GUK1: variants seen among roughly 807,000 people sequenced by gnomAD.
The protein encoded by GUK1 is guanylate kinase 1, also known as guanylate kinase.
A neutral mutation model predicts 25.2 loss-of-function variants in GUK1; 18 were observed. The observed-to-expected ratio is 0.71, with a 90% CI of 0.49 to 1.06. GUK1 has a LOEUF of 1.06. Ranked by LOEUF, GUK1 falls within the 50% of genes least tolerant of loss-of-function variation. The pLI is 0.00. For missense variants in GUK1, 261 were observed against 276.7 expected (o/e 0.94, Z 0.40); for synonymous variants, 105 against 117.6 (o/e 0.89, Z 0.69).
At chr1:228,142,768 G>A (rs578104557) in intron 2 of GUK1, among the ~76,000 whole-genome samples, 2 of 152,102 alleles carry the variant, frequency 1.3e-5, no homozygotes, top group Non-Finnish European at 2.9e-5. Flanking sequence ...AGTGAGGCAC[G>A]AGCTCCCCAA....
Position 228,148,874 on chromosome 1 carries a change from G to A in GUK1, c.*177G>A. 4 of 1,505,312 alleles carry A rather than the reference G, an allele frequency of 2.7e-6. No individual in the cohort carries two copies. Among genetic ancestry groups the A allele is most frequent in the Non-Finnish European group, 3.6e-6 (4 of 1,110,520 alleles). The allele number at this position is 1,505,312 out of a possible 1,614,324, so 93.2% of individuals were successfully genotyped here. On this transcript the variant is annotated 3_prime_UTR_variant, in exon 9 of 9. Transcript: ENST00000312726. Reference sequence around the variant, plus strand: ...GTGACCCCCGACCCAGCCTCGCTGGGCTGTCCCCTGTCCCTATCTCTCACT... The same window carrying A: ...GTGACCCCCGACCCAGCCTCGCTGGACTGTCCCCTGTCCCTATCTCTCACT...
chr1:228,146,739 G>A (rs962413308), intron 4 of GUK1, 103 bp from the exon 4 acceptor site: 3 of 781,168 alleles, frequency 3.8e-6, no homozygotes, highest in Non-Finnish European at 2.3e-6. Flanking sequence ...GCAGTCGTGG[G>A]TGTGGGAGGG....
rs890437746 is a variant in GUK1 at position 228,141,125 on chromosome 1, C to T, written c.-166C>T. ...GCTCATGGCCCCTTCCTGTCTCAGG[C>T]TTGCTCTGCTCTTTACCTGGGGTTG... On this transcript the variant is annotated splice_region_variant and 5_prime_UTR_variant, in exon 2 of 9. Coordinates refer to ENST00000312726, the MANE Select transcript of GUK1 (RefSeq NM_000858.7). 4.1e-6 allele frequency: 4 copies of T among 985,460 alleles called. No homozygotes were observed. The African/African-American group carries it at 7.0e-5, about 17-fold the overall frequency. 61.0% of individuals were successfully genotyped at this position (985,460 alleles called of 1,614,324 possible).
At chr1:228,144,211 T>A (rs1413260345) in intron 2 of GUK1, 1 of 152,260 alleles carries the variant, frequency 6.6e-6, no homozygotes, top group African/African-American at 2.4e-5. Flanking sequence ...CCGTGGTGCA[T>A]TTGTGAGATT....
chr1:228,148,883 T>G lies in GUK1; in HGVS notation c.*186T>G. The G allele has an allele frequency of 6.9e-7, 1 of 1,454,994 alleles. No homozygotes were observed. The highest frequency in any genetic ancestry group is 9.4e-7 in the Non-Finnish European group (1 of 1,069,360). 90.1% of individuals were successfully genotyped at this position (1,454,994 alleles called of 1,614,324 possible). On this transcript the variant is annotated 3_prime_UTR_variant, in exon 9 of 9. Coordinates refer to ENST00000312726, the MANE Select transcript of GUK1 (RefSeq NM_000858.7). ...GACCCAGCCTCGCTGGGCTGTCCCC[T>G]GTCCCTATCTCTCACTCTGGACCCA...
chr1:228,147,503 C>T lies in GUK1; in HGVS notation c.349C>T (p.Pro117Ser), dbSNP rs1167267840. The T allele has an allele frequency of 6.2e-7, 1 of 1,613,296 alleles. No homozygotes were observed. Among genetic ancestry groups the T allele is most frequent in the South Asian group, 1.1e-5 (1 of 91,088 alleles). The change falls in exon 6 of 9, where the codon CCC becomes TCC. Residue 117 changes from proline to serine, a missense_variant. Physicochemically the swap from Pro to Ser is moderately conservative, Grantham distance 74. Coordinates refer to ENST00000312726, the MANE Select transcript of GUK1 (RefSeq NM_000858.7). ...GAACATCAAGGCCACCGATCTGCGG[C>T]CCATCTACATCTCTGTGCAGCCGCC...
At chr1:228,143,601 T>C (rs1168772435) in intron 2 of GUK1, among the ~76,000 whole-genome samples, 4 of 152,252 alleles carry the variant, frequency 2.6e-5, no homozygotes, top group South Asian at 4.1e-4. Context: ...GGGGGGCTCC[T>C]AGCTAGTGCA....
At chr1:228,144,320 G>A (rs1455333060) in intron 2 of GUK1, 1 of 152,294 alleles carries the variant, frequency 6.6e-6, no homozygotes, top group African/African-American at 2.4e-5. Flanking sequence ...ACAGGAGGAG[G>A]CCATTCACGC....
At chr1:228,140,155 C>T (rs2033961098), upstream of GUK1, 2 of 669,398 alleles carry the variant, frequency 3.0e-6, no homozygotes, top group South Asian at 3.7e-5. Flanking sequence ...TAGCGAGGCA[C>T]TGAGGTAAGT....
intron 5 of GUK1, 21 bp from the exon 5 acceptor site, chr1:228,147,385 T>A (rs1432940743): frequency 1.2e-6 from 2 of 1,604,446 alleles, no homozygotes; most frequent in South Asian, 1.1e-5. Flanking sequence ...GCACCCCTGC[T>A]GACCTGGCAC....
chr1:228,145,982 T>G, intron 3 of GUK1, 44 bp from the exon 3 acceptor site: 2 of 1,473,848 alleles, frequency 1.4e-6, no homozygotes, highest in Non-Finnish European at 1.9e-6. Context: ...GGTGGGGCAT[T>G]GGGCTCCGAG....
chr1:228,145,732 C>A, intron 3 of GUK1, 108 bp downstream of exon 2: 1 of 1,339,522 alleles, frequency 7.5e-7, no homozygotes, highest in Non-Finnish European at 1.0e-6. Context: ...ACCCACCCTG[C>A]AGACTGTCCG....
At chr1:228,140,090 C>T (rs2033958967), upstream of GUK1, 3 of 547,810 alleles carry the variant, frequency 5.5e-6, no homozygotes, top group East Asian at 3.3e-5. Context: ...GCTGGGAGGG[C>T]GCTGTGCTGA....
chr1:228,146,563 T>G, intron 4 of GUK1: 1 of 488,880 alleles, frequency 2.0e-6, no homozygotes, highest in Non-Finnish European at 3.7e-6. Context: ...AACCTGTTGG[T>G]CTCCAGTCCC....
At chr1:228,148,033 G>C in intron 7 of GUK1, 1 of 578,334 alleles carries the variant, frequency 1.7e-6, no homozygotes. Flanking sequence ...TCTTACAGCT[G>C]TTGCCTCTTC....
At position 228,148,416 on chromosome 1, in the gene GUK1, TG is replaced by T; in HGVS notation, c.523del (p.Asp175ThrfsTer7). 6.4e-7 allele frequency: 1 copy of T among 1,564,258 alleles called. No homozygotes were observed. The highest frequency in any genetic ancestry group is 1.4e-5 in the African/African-American group (1 of 73,580). On this transcript the variant is annotated frameshift_variant, in exon 8 of 9. Coordinates refer to ENST00000312726, the MANE Select transcript of GUK1 (RefSeq NM_000858.7). LOFTEE classifies it high-confidence loss of function. ...GATGTGGTCATCATTAACGACAGCC[TG>T]GACCAGGCCTACGCAGAGCTGAAGG...
chr1:228,147,156 G>C (rs2034428259), intron 5 of GUK1, among the ~76,000 whole-genome samples: 1 of 152,178 alleles, frequency 6.6e-6, no homozygotes, highest in Non-Finnish European at 1.5e-5. Flanking sequence ...TGTCCTGGCA[G>C]GGTGAAGGGT....
At position 228,148,287 on chromosome 1, in the gene GUK1, C is replaced by T. The variant is rs529155200; in HGVS notation, c.476-84C>T. The T allele has an allele frequency of 6.2e-6, 6 of 962,700 alleles. No individual in the cohort carries two copies. In the African/African-American group the frequency reaches 9.6e-5, roughly 15 times the overall value. The allele number at this position is 962,700 out of a possible 1,614,324, so 59.6% of individuals were successfully genotyped here. A position where few individuals can be genotyped will look rare whatever the true frequency, so the allele number is the denominator to read the frequency against. On this transcript the variant is annotated intron_variant, in intron 7 of 8. Transcript: ENST00000312726. The stretch of plus-strand genomic sequence containing the variant: ...AGCCGCAGTGAGGACAGCCGCAGGC[C>T]AGTGGGCTGCTCTGGGGGTCGTGTG...
rs773294825 is a variant in GUK1, at chr1:228,148,762, C to G, written c.*65C>G. On this transcript the variant is annotated 3_prime_UTR_variant, in exon 9 of 9. Transcript: ENST00000312726. Reference sequence around the variant, plus strand: ...ACCAGGGCAGCAGCATTGAGCCACCCCCTTGGCAGGCGATACGGCAGCTCT... The same window carrying G: ...ACCAGGGCAGCAGCATTGAGCCACCGCCTTGGCAGGCGATACGGCAGCTCT... The G allele has an allele frequency of 3.7e-6, 6 of 1,611,198 alleles. No individual in the cohort carries two copies. In the South Asian group the frequency reaches 5.5e-5, roughly 15 times the overall value.
Sources: gnomAD v4.1 joint callset for allele counts (sites outside exome capture counted in the v4.1 genomes callset) on GRCh38, gnomAD v4.1.1 for gene constraint, MANE v1.5 for transcripts, NCBI Gene and HGNC (gene_info 2026-07-23, HGNC 2026-07-21) for gene names.